Variants in TEK observed in about 807,000 individuals in gnomAD.
TEK encodes angiopoietin-1 receptor.
In TEK, 43 loss-of-function variants were observed where a neutral mutation model predicts 131.8. The observed-to-expected ratio is 0.33, with a 90% confidence interval of 0.26 to 0.42. The LOEUF (loss-of-function observed/expected upper bound fraction) is 0.42, where lower values mean the gene tolerates loss of function less well. Ranked by LOEUF, TEK falls within the 10% of genes least tolerant of loss-of-function variation. The pLI, the probability that TEK is intolerant of heterozygous loss-of-function variation, is 1.00. For missense variants in TEK, 1,162 were observed against 1,384.4 expected (o/e 0.84, Z 2.55); for synonymous variants, 580 against 491.6 (o/e 1.18, Z -2.38).
chr9:27,170,049 C>A (rs1215082189), intron 4 of TEK, among the ~76,000 whole-genome samples: 2 of 152,034 alleles, frequency 1.3e-5, no homozygotes, highest in African/African-American at 4.8e-5. Flanking sequence ...ACAATCATGG[C>A]AAAAGAGGAA....
intron 1 of TEK, among the ~76,000 whole-genome samples, chr9:27,125,970 C>T (rs1351764339): frequency 6.6e-6 from 1 of 152,146 alleles, no homozygotes; most frequent in Non-Finnish European, 1.5e-5. Context: ...GAAAAAAACA[C>T]AGAAACTTGC....
At chr9:27,156,145 G>A (rs759771426) in intron 1 of TEK, among the ~76,000 whole-genome samples, 9 of 152,038 alleles carry the variant, frequency 5.9e-5, no homozygotes, top group African/African-American at 9.7e-5. Flanking sequence ...ATTGGAAGCC[G>A]AGCAAATGGA....
chr9:27,203,241 T>C (rs1374167233), intron 13 of TEK, 122 bp downstream of exon 13: 3 of 1,056,370 alleles, frequency 2.8e-6, no homozygotes, highest in Non-Finnish European at 4.3e-6. Context: ...GGACAGGCAT[T>C]TACAGAGAGG....
chr9:27,193,219 T>C (rs1049018390), intron 11 of TEK, among the ~76,000 whole-genome samples: 4 of 152,182 alleles, frequency 2.6e-5, no homozygotes, highest in African/African-American at 7.2e-5. Context: ...AGCTATTTCT[T>C]ATATTTACCT....
intron 18 of TEK, among the ~76,000 whole-genome samples, chr9:27,214,316 A>AG (rs1204014770): frequency 6.6e-6 from 1 of 152,204 alleles, no homozygotes; most frequent in African/African-American, 2.4e-5. Context: ...GGCAGAATGC[A>AG]GGGGCCTTAG....
chr9:27,116,121 A>G, intron 1 of TEK, among the ~76,000 whole-genome samples: 1 of 152,064 alleles, frequency 6.6e-6, no homozygotes, highest in East Asian at 1.9e-4. Flanking sequence ...AAACTGCAGG[A>G]GTTAGTGATT....
At chr9:27,119,973 C>G (rs893429078) in intron 1 of TEK, among the ~76,000 whole-genome samples, 1 of 152,172 alleles carries the variant, frequency 6.6e-6, no homozygotes, top group African/African-American at 2.4e-5. Context: ...CATATTTGCT[C>G]TAATTCCACC....
At position 27,220,126 on chromosome 9, in the gene TEK, C is replaced by T. The variant is rs1482085653; in HGVS notation, c.3181C>T (p.Leu1061=). Residue 1061 remains leucine (L), a synonymous_variant, in exon 21 of 23, where the codon CTG becomes TTG. Coordinates refer to ENST00000380036, the MANE Select transcript of TEK (RefSeq NM_000459.5). ...CCAGGGCTACAGACTGGAGAAGCCC[C>T]TGAACTGTGATGATGAGGTGTAAGT... The part of the protein sequence containing the change: ...LPQGYRLEKP[L]NCDDEVYDLM... 1 of 1,613,916 alleles carries T rather than the reference C, an allele frequency of 6.2e-7. No individual in the cohort carries two copies. Among genetic ancestry groups the T allele is most frequent in the South Asian group, 1.1e-5 (1 of 91,064 alleles).
chr9:27,225,085 C>A (rs540151324), intron 21 of TEK, among the ~76,000 whole-genome samples: 1 of 152,160 alleles, frequency 6.6e-6, no homozygotes, highest in African/African-American at 2.4e-5. Context: ...GAACTACAAA[C>A]CACTGCTCAA....
chr9:27,117,193 A>G (rs1821605299), intron 1 of TEK, among the ~76,000 whole-genome samples: 1 of 152,062 alleles, frequency 6.6e-6, no homozygotes, highest in Non-Finnish European at 1.5e-5. Flanking sequence ...AGACAGTAAG[A>G]TGGGGCAGCA....
intron 9 of TEK, among the ~76,000 whole-genome samples, chr9:27,186,090 T>A (rs985676544): frequency 1.3e-5 from 2 of 152,208 alleles, no homozygotes; most frequent in Non-Finnish European, 2.9e-5. Context: ...GAATCCCTAT[T>A]TTGAGGATTA....
chr9:27,184,705 ACTGG>A (rs990377710), intron 8 of TEK, among the ~76,000 whole-genome samples: 1 of 152,090 alleles, frequency 6.6e-6, no homozygotes, highest in Non-Finnish European at 1.5e-5. Flanking sequence ...GGAAGTGGGA[ACTGG>A]CTGGGTGAAG....
chr9:27,136,312 A>AC (rs1260592768), intron 1 of TEK, among the ~76,000 whole-genome samples: 6 of 151,858 alleles, frequency 4.0e-5, no homozygotes, highest in Non-Finnish European at 8.8e-5. Flanking sequence ...AAACACCTGA[A>AC]CTCGTGATCC....
At chr9:27,118,577 G>A (rs72713718) in intron 1 of TEK, among the ~76,000 whole-genome samples, 1 of 152,332 alleles carries the variant, frequency 6.6e-6, no homozygotes, top group Non-Finnish European at 1.5e-5. Context: ...TAGGCTGCAT[G>A]AATGTCGTGA....
chr9:27,202,763 AT>A, intron 12 of TEK, 56 bp from the exon 13 acceptor site: 1 of 1,558,458 alleles, frequency 6.4e-7, no homozygotes, highest in South Asian at 1.1e-5. Flanking sequence ...CAAAAGCATA[AT>A]GATCTAGGCC....
chr9:27,223,862 T>C (rs1158794737), intron 21 of TEK, among the ~76,000 whole-genome samples: 1 of 151,458 alleles, frequency 6.6e-6, no homozygotes, highest in Non-Finnish European at 1.5e-5. Flanking sequence ...CAAAATAGAC[T>C]GCTAGCCAGA....
intron 12 of TEK, 128 bp downstream of exon 12, chr9:27,197,727 A>G (rs996095335): frequency 8.8e-7 from 1 of 1,136,342 alleles, no homozygotes; most frequent in Admixed American, 2.0e-5. Context: ...AAGGCTAATT[A>G]GTGCCCCCCA....
chr9:27,188,552 C>T (rs1824686136), intron 9 of TEK, among the ~76,000 whole-genome samples: 1 of 152,148 alleles, frequency 6.6e-6, no homozygotes, highest in African/African-American at 2.4e-5. Flanking sequence ...AACAAATTTA[C>T]TTACAGCACT....
In TEK at chr9:27,212,006, AGAG is replaced by A. The variant is rs1564101846; in HGVS notation, c.2687-700_2687-698del. 4.1e-3 allele frequency among the ~76,000 whole-genome samples: 578 copies of A among 140,880 alleles called. 6 individuals carry two copies. Among genetic ancestry groups the A allele is most frequent in the African/African-American group, 0.016 (542 of 34,948 alleles). The allele number at this position is 140,880 out of a possible 152,430, so 92.4% of individuals were successfully genotyped here. On this transcript the variant is annotated intron_variant, in intron 16 of 22. Transcript: ENST00000380036. Reference sequence around the variant, plus strand: ...ATAACGTTTTATTAAAAAAAAAAAGAGAGAGAGAAATGATGTGGAACAAAAAAG... The same window carrying A: ...ATAACGTTTTATTAAAAAAAAAAAGAAGAGAAATGATGTGGAACAAAAAAG...
Sources: allele counts gnomAD v4.1 joint callset (sites outside exome capture counted in the v4.1 genomes callset), GRCh38; gene constraint gnomAD v4.1.1; transcripts MANE v1.5; gene names NCBI Gene and HGNC (gene_info 2026-07-23, HGNC 2026-07-21).